CNTNAP2: variants seen among roughly 807,000 people sequenced by gnomAD.
The protein encoded by CNTNAP2 is contactin associated protein 2, also known as contactin-associated protein-like 2.
Under a neutral mutation model 155.2 loss-of-function variants are expected in CNTNAP2, and 98 were observed. The ratio of observed to expected loss-of-function variants is 0.63; its 90% CI spans 0.54 to 0.75. CNTNAP2 has a LOEUF of 0.75. Ranked by LOEUF, CNTNAP2 falls within the 30% of genes least tolerant of loss-of-function variation. The pLI is 0.00. For missense variants in CNTNAP2, 1,727 were observed against 1,688.1 expected (o/e 1.02, Z -0.40); for synonymous variants, 651 against 631.2 (o/e 1.03, Z -0.47).
chr7:147,399,032 A>G (rs1796869264), intron 10 of CNTNAP2, among the ~76,000 whole-genome samples: 1 of 152,060 alleles, frequency 6.6e-6, no homozygotes, highest in South Asian at 2.1e-4. Context: ...GCAAGACTTG[A>G]AAGAGGTAAC....
intron 3 of CNTNAP2, among the ~76,000 whole-genome samples, chr7:146,993,732 A>G (rs1165690478): frequency 6.6e-6 from 1 of 152,106 alleles, no homozygotes. Flanking sequence ...AGTTGTACAT[A>G]TTAAATATGT....
intron 11 of CNTNAP2, among the ~76,000 whole-genome samples, chr7:147,492,272 T>C (rs966376761): frequency 2.0e-5 from 3 of 152,182 alleles, no homozygotes; most frequent in Admixed American, 6.5e-5. Flanking sequence ...TGAGAATCTA[T>C]TGCTGCCGCT....
At chr7:146,344,816 T>C (rs924591789) in intron 1 of CNTNAP2, among the ~76,000 whole-genome samples, 12 of 152,178 alleles carry the variant, frequency 7.9e-5, no homozygotes, top group Non-Finnish European at 1.6e-4. Flanking sequence ...GCCTGGCAGT[T>C]AAACAATTTA....
intron 1 of CNTNAP2, among the ~76,000 whole-genome samples, chr7:146,528,940 G>A (rs1331006411): frequency 2.0e-5 from 3 of 151,878 alleles, no homozygotes; most frequent in African/African-American, 7.3e-5. Flanking sequence ...GAAAGCGGAA[G>A]CAAGGTTCAG....
chr7:146,790,655 C>T (rs1024103754), intron 2 of CNTNAP2, among the ~76,000 whole-genome samples: 3 of 151,694 alleles, frequency 2.0e-5, no homozygotes, highest in South Asian at 2.1e-4. Context: ...CTGCAAGCTC[C>T]GCCTCCCGGG....
intron 2 of CNTNAP2, among the ~76,000 whole-genome samples, chr7:146,825,336 G>GA (rs1401319710): frequency 2.0e-5 from 3 of 152,104 alleles, no homozygotes; most frequent in African/African-American, 4.8e-5. Flanking sequence ...GGGATTGTAA[G>GA]AATGAACTTG....
chr7:148,065,708 C>A (rs2116520094), intron 15 of CNTNAP2, among the ~76,000 whole-genome samples: 1 of 152,260 alleles, frequency 6.6e-6, no homozygotes, highest in African/African-American at 2.4e-5. Flanking sequence ...TTGAAGACTG[C>A]AGATACTTGG....
intron 1 of CNTNAP2, among the ~76,000 whole-genome samples, chr7:146,712,719 G>A (rs1801119388): frequency 1.3e-5 from 2 of 150,900 alleles, no homozygotes; most frequent in Non-Finnish European, 3.0e-5. Context: ...AACATATCAT[G>A]GCTGAATTTG....
At chr7:147,499,854 A>C (rs1284053395) in intron 11 of CNTNAP2, among the ~76,000 whole-genome samples, 1 of 152,162 alleles carries the variant, frequency 6.6e-6, no homozygotes, top group Non-Finnish European at 1.5e-5. Flanking sequence ...TGAGAACACT[A>C]GTGTTTCTAG....
chr7:147,888,875 A>T (rs1799641541), intron 13 of CNTNAP2, among the ~76,000 whole-genome samples: 1 of 152,058 alleles, frequency 6.6e-6, no homozygotes, highest in Admixed American at 6.5e-5. Context: ...ATAGTCTGAG[A>T]TAGAAAAAAG....
In CNTNAP2 at chr7:148,420,591, T is replaced by C. The variant is rs1209872349; in HGVS notation, c.*4975T>C. 2.0e-5 allele frequency: 3 copies of C among 152,264 alleles called. No homozygotes were observed. Among genetic ancestry groups the C allele is most frequent in the African/African-American group, 4.8e-5 (2 of 41,452 alleles). The allele number at this position is 152,264 out of a possible 1,614,324, so 9.4% of individuals were successfully genotyped here. ...TATAAGAACAGCTCTACCAAGACAG[T>C]CTGCACCATTTCCAAGTCTCAGTTA... On this transcript the variant is annotated 3_prime_UTR_variant, in exon 24 of 24. Coordinates refer to ENST00000361727, the MANE Select transcript of CNTNAP2 (RefSeq NM_014141.6).
At chr7:146,877,133 A>G (rs1795444832) in intron 3 of CNTNAP2, among the ~76,000 whole-genome samples, 1 of 152,164 alleles carries the variant, frequency 6.6e-6, no homozygotes, top group African/African-American at 2.4e-5. Context: ...GAAATAACAA[A>G]AGCATTGCAT....
chr7:146,558,286 C>T (rs961050380), intron 1 of CNTNAP2, among the ~76,000 whole-genome samples: 1 of 152,092 alleles, frequency 6.6e-6, no homozygotes, highest in African/African-American at 2.4e-5. Context: ...TGTTTTATGT[C>T]ACTCATGAAA....
chr7:148,057,132 G>A (rs1803029862), intron 15 of CNTNAP2, among the ~76,000 whole-genome samples: 1 of 152,126 alleles, frequency 6.6e-6, no homozygotes, highest in Non-Finnish European at 1.5e-5. Flanking sequence ...CCATACATAA[G>A]AGCCACTGTT....
intron 1 of CNTNAP2, among the ~76,000 whole-genome samples, chr7:146,737,576 CTTA>C (rs977947857): frequency 1.8e-4 from 28 of 151,992 alleles, no homozygotes; most frequent in African/African-American, 6.5e-4. Flanking sequence ...CATAACGTAC[CTTA>C]TTATACGCTT....
chr7:146,926,847 A>G lies in CNTNAP2; in HGVS notation c.402+86943A>G, dbSNP rs573050465. On this transcript the variant is annotated intron_variant, in intron 3 of 23. Transcript: ENST00000361727. ...TGGAAATCACTTTTCTTGTTCAAAGATAAATACATTATCAAAAAATGTGAT... is the reference window on the plus strand; with the variant it reads ...TGGAAATCACTTTTCTTGTTCAAAGGTAAATACATTATCAAAAAATGTGAT... Among the ~76,000 whole-genome samples, 3 of 152,272 alleles carry G rather than the reference A, an allele frequency of 2.0e-5. No homozygotes were observed. The East Asian group carries it at 5.8e-4, about 29-fold the overall frequency.
intron 1 of CNTNAP2, among the ~76,000 whole-genome samples, chr7:146,585,959 G>C (rs1258257239): frequency 5.3e-5 from 8 of 151,770 alleles, no homozygotes; most frequent in Non-Finnish European, 1.2e-4. Context: ...GAACCATGAT[G>C]ATGCCACTGA....
At chr7:146,765,907 T>C (rs2129184657) in intron 1 of CNTNAP2, among the ~76,000 whole-genome samples, 1 of 151,978 alleles carries the variant, frequency 6.6e-6, no homozygotes, top group South Asian at 2.1e-4. Context: ...TGAGCAAGGG[T>C]GTGCTTGGTG....
chr7:147,893,188 T>C (rs964239278), intron 13 of CNTNAP2, among the ~76,000 whole-genome samples: 2 of 152,236 alleles, frequency 1.3e-5, no homozygotes, highest in African/African-American at 4.8e-5. Flanking sequence ...GTTGAGATAA[T>C]AGACTTTTGC....
Sources: allele counts gnomAD v4.1 joint callset (sites outside exome capture counted in the v4.1 genomes callset), GRCh38; gene constraint gnomAD v4.1.1; transcripts MANE v1.5; gene names NCBI Gene and HGNC (gene_info 2026-07-23, HGNC 2026-07-21).